TOGARAM2: variants seen among roughly 807,000 people sequenced by gnomAD.
The protein encoded by TOGARAM2 is TOG array regulator of axonemal microtubules protein 2.
A neutral mutation model predicts 93.3 loss-of-function variants in TOGARAM2; 85 were observed. That is an observed-to-expected ratio of 0.91 (90% CI 0.76 to 1.09). The LOEUF (loss-of-function observed/expected upper bound fraction) is 1.09. Among genes scored for constraint, TOGARAM2 ranks in the 50% least tolerant of loss-of-function variants. The pLI, the probability that TOGARAM2 is intolerant of heterozygous loss-of-function variation, is 0.00. For missense variants in TOGARAM2, 1,277 were observed against 1,334.5 expected, an observed-to-expected ratio of 0.96 and a Z score of 0.67; for synonymous variants, 593 against 552.8, an observed-to-expected ratio of 1.07 and a Z score of -1.02.
chr2:29,023,228 C>T, intron 12 of TOGARAM2, 37 bp downstream of exon 12: 1 of 1,517,730 alleles, frequency 6.6e-7, no homozygotes, highest in Non-Finnish European at 9.0e-7. Flanking sequence ...GCATTTGGCC[C>T]CACTGCAGCT....
At chr2:29,027,130 G>GGATCCTGA in intron 14 of TOGARAM2, 119 bp downstream of exon 14, 2 of 1,076,776 alleles carry the variant, frequency 1.9e-6, no homozygotes, top group African/African-American at 3.2e-5. Flanking sequence ...CAGGTAGGCG[G>GGATCCTGA]AAGCTATGTC....
At chr2:29,038,487 T>C (rs1666250942) in intron 18 of TOGARAM2, among the ~76,000 whole-genome samples, 1 of 152,190 alleles carries the variant, frequency 6.6e-6, no homozygotes, top group Non-Finnish European at 1.5e-5. Flanking sequence ...TGTTTTTGTT[T>C]TTTCGAGATG....
At chr2:29,050,163 G>T (rs528471808) in intron 19 of TOGARAM2, 2 of 152,254 alleles carry the variant, frequency 1.3e-5, no homozygotes, top group African/African-American at 4.8e-5. Flanking sequence ...ACCAGCCTGG[G>T]TAACATAATG....
At chr2:28,987,269 A>G (rs566943846) in intron 1 of TOGARAM2, among the ~76,000 whole-genome samples, 1 of 152,202 alleles carries the variant, frequency 6.6e-6, no homozygotes, top group Admixed American at 6.5e-5. Context: ...GTTCTTCTCA[A>G]TAAGACTGTC....
intron 1 of TOGARAM2, among the ~76,000 whole-genome samples, chr2:28,972,010 C>T (rs1322266737): frequency 1.3e-5 from 2 of 152,104 alleles, no homozygotes; most frequent in East Asian, 1.9e-4. Flanking sequence ...CTTATTGGAA[C>T]GTCGTAATAC....
chr2:28,956,536 C>T (rs537900482), upstream of TOGARAM2: 2 of 152,338 alleles, frequency 1.3e-5, no homozygotes, highest in South Asian at 2.1e-4. This position sits in a 1 kb window ranked among gnomAD's most constrained non-coding sequence, Gnocchi z 4.5. Flanking sequence ...ATGCGTCCCA[C>T]GTGATGCTGC....
intron 14 of TOGARAM2, among the ~76,000 whole-genome samples, chr2:29,032,275 A>G (rs1298886241): frequency 6.6e-6 from 1 of 152,038 alleles, no homozygotes; most frequent in Non-Finnish European, 1.5e-5. Context: ...CTATTCTCCA[A>G]TATATCCCCC....
intron 18 of TOGARAM2, among the ~76,000 whole-genome samples, chr2:29,038,546 G>A (rs1572776097): frequency 6.6e-6 from 1 of 152,268 alleles, no homozygotes; most frequent in East Asian, 1.9e-4. Flanking sequence ...CATGATCTCA[G>A]CTCATTGCAA....
chr2:29,014,479 C>G lies in TOGARAM2; in HGVS notation c.962C>G (p.Thr321Arg), dbSNP rs757275245. The change falls in exon 8 of 20, where the codon ACG becomes AGG. Residue 321 changes from threonine (T) to arginine (R), a missense_variant. Thr to Arg is a moderately conservative substitution (Grantham distance 71, BLOSUM62 -1). Coordinates refer to ENST00000379558, the MANE Select transcript of TOGARAM2 (RefSeq NM_199280.4). ...PALPFSQSAP[T>R]LTAFSFDCAR... ...CTGCCTTTTTCTCAGTCTGCTCCCA[C>G]GCTGACAGCCTTCTCCTTTGACTGT... The G allele has an allele frequency of 6.3e-7, 1 of 1,595,524 alleles. No individual in the cohort carries two copies. The highest frequency in any genetic ancestry group is 8.5e-7 in the Non-Finnish European group (1 of 1,171,296).
At chr2:29,011,717 G>A (rs1462968758) in intron 7 of TOGARAM2, among the ~76,000 whole-genome samples, 1 of 152,188 alleles carries the variant, frequency 6.6e-6, no homozygotes, top group African/African-American at 2.4e-5. Flanking sequence ...ATTGACACCT[G>A]CTCTGGTACG....
chr2:29,014,386 A>G lies in TOGARAM2; in HGVS notation c.878-9A>G. The stretch of plus-strand genomic sequence containing the variant: ...GTCTTCAGCTCCACCCCTGTTCTCA[A>G]CCCCTCAGAGCCAAAACCTTTGGCC... On this transcript the variant is annotated splice_polypyrimidine_tract_variant and intron_variant, in intron 7 of 19. Coordinates refer to ENST00000379558, the MANE Select transcript of TOGARAM2 (RefSeq NM_199280.4). 2.5e-6 allele frequency: 4 copies of G among 1,609,104 alleles called. No homozygotes were observed. Among genetic ancestry groups the G allele is most frequent in the Non-Finnish European group, 3.4e-6 (4 of 1,178,340 alleles).
At chr2:29,014,634 C>G (rs1572708217) in intron 8 of TOGARAM2, 73 bp downstream of exon 8, 2 of 1,511,932 alleles carry the variant, frequency 1.3e-6, no homozygotes, top group Non-Finnish European at 8.9e-7. Flanking sequence ...AAGCAAGTGT[C>G]TGAAGTATTC....
intron 1 of TOGARAM2, among the ~76,000 whole-genome samples, chr2:28,992,523 G>T (rs990596721): frequency 2.0e-5 from 3 of 152,258 alleles, no homozygotes; most frequent in East Asian, 3.9e-4. Context: ...AGGAGGCTAC[G>T]GTGGGAAAAC....
chr2:29,045,186 G>C (rs1200090527), intron 18 of TOGARAM2, 138 bp from the exon 19 acceptor site: 1 of 654,296 alleles, frequency 1.5e-6, no homozygotes, highest in East Asian at 2.6e-5. Context: ...TGGCCCCTTT[G>C]TGACCTGGAA....
intron 11 of TOGARAM2, 94 bp downstream of exon 11, chr2:29,022,402 T>C: frequency 6.6e-7 from 1 of 1,520,092 alleles, no homozygotes; most frequent in Non-Finnish European, 8.9e-7. Context: ...CCTCTCCCAC[T>C]CTGGGGTTCC....
chr2:28,965,709 G>A (rs1034412318), intron 1 of TOGARAM2, among the ~76,000 whole-genome samples: 3 of 152,154 alleles, frequency 2.0e-5, no homozygotes, highest in South Asian at 2.1e-4. Context: ...TTAAGCAAAG[G>A]CTTTCTGCCT....
chr2:29,003,826 A>G (rs903282380), intron 6 of TOGARAM2, 144 bp downstream of exon 6: 3 of 799,502 alleles, frequency 3.8e-6, no homozygotes, highest in African/African-American at 1.8e-5. Flanking sequence ...GGCTCCACCC[A>G]TGAGCCACAG....
intron 7 of TOGARAM2, among the ~76,000 whole-genome samples, chr2:29,013,495 C>T (rs558827909): frequency 1.1e-4 from 17 of 152,278 alleles, no homozygotes; most frequent in African/African-American, 1.7e-4. Flanking sequence ...AAACCAGGGA[C>T]GCCAACAGTG....
intron 18 of TOGARAM2, among the ~76,000 whole-genome samples, chr2:29,038,985 G>A (rs1255962917): frequency 3.9e-5 from 6 of 152,314 alleles, no homozygotes; most frequent in Admixed American, 3.9e-4. Flanking sequence ...TCTGCCTCTG[G>A]GAATGGTTCT....
Sources: allele counts gnomAD v4.1 joint callset (sites outside exome capture counted in the v4.1 genomes callset), GRCh38; gene constraint gnomAD v4.1.1; non-coding constraint Gnocchi (gnomAD v3.1); transcripts MANE v1.5; gene names NCBI Gene and HGNC (gene_info 2026-07-23, HGNC 2026-07-21).